The following NAV2 variants were observed in gnomAD, a reference collection of about 807,000 sequenced individuals.
NAV2 encodes the protein neuron navigator 2.
In NAV2, 54 loss-of-function variants were observed where a neutral mutation model predicts 223.2. The observed-to-expected ratio is 0.24, with a 90% CI of 0.19 to 0.30. NAV2 has a LOEUF of 0.30. Among genes scored for constraint, NAV2 ranks in the 10% least tolerant of loss-of-function variants. NAV2 has a pLI of 1.00. For missense variants in NAV2, 2,806 were observed against 3,147.5 expected (o/e 0.89, Z 2.60); for synonymous variants, 1,279 against 1,239.3 (o/e 1.03, Z -0.67).
intron 1 of NAV2, among the ~76,000 whole-genome samples, chr11:19,448,437 T>G (rs1851669174): frequency 6.6e-6 from 1 of 152,202 alleles, no homozygotes. Flanking sequence ...TTGCGTGGAT[T>G]GGAATATAAG....
At chr11:19,935,867 T>TTTTTTTTTTTTGTTG (rs1199186142) in intron 7 of NAV2, among the ~76,000 whole-genome samples, 1 of 123,414 alleles carries the variant, frequency 8.1e-6, no homozygotes, top group East Asian at 2.3e-4. Flanking sequence ...TTTTTTTTTT[T>TTTTTTTTTTTTGTTG]TTTTTTTTGA....
intron 13 of NAV2, 48 bp from the exon 14 acceptor site, chr11:20,044,920 T>G: frequency 8.0e-5 from 120 of 1,496,060 alleles, no homozygotes; most frequent in Non-Finnish European, 1.0e-4. Context: ...ACGAGATGGA[T>G]GAGCTGGCTC....
At chr11:19,350,085 CTGA>C (rs3077390), upstream of NAV2, among the ~76,000 whole-genome samples, 13 of 149,622 alleles carry the variant, frequency 8.7e-5, no homozygotes, top group African/African-American at 1.5e-4. Flanking sequence ...CCTTATTCCT[CTGA>C]TGATGATGAT....
chr11:19,741,904 C>G (rs917941259), intron 1 of NAV2, among the ~76,000 whole-genome samples: 1 of 151,968 alleles, frequency 6.6e-6, no homozygotes, highest in African/African-American at 2.4e-5. Flanking sequence ...GGCATTTCCA[C>G]TTTTAATTTC....
chr11:19,792,799 C>T (rs921908198), intron 1 of NAV2, among the ~76,000 whole-genome samples: 1 of 151,730 alleles, frequency 6.6e-6, no homozygotes, highest in Non-Finnish European at 1.5e-5. Flanking sequence ...ACAGTTTGTT[C>T]TGGGGGAGGT....
At chr11:20,037,042 G>C (rs537866308) in intron 12 of NAV2, among the ~76,000 whole-genome samples, 1 of 152,320 alleles carries the variant, frequency 6.6e-6, no homozygotes, top group East Asian at 1.9e-4. Flanking sequence ...TGTCCTCACA[G>C]CTTGTCCCCA....
At chr11:20,031,373 A>T (rs1026143850) in intron 11 of NAV2, among the ~76,000 whole-genome samples, 4 of 152,194 alleles carry the variant, frequency 2.6e-5, no homozygotes, top group Non-Finnish European at 4.4e-5. Context: ...ACTTGATTAG[A>T]TTCAACCAGT....
In NAV2 at chr11:19,587,547, G is replaced by C. The variant is rs564519197; in HGVS notation, c.75+236520G>C. Reference sequence around the variant, plus strand: ...GCTCCACATTTTTCTCTAAAAGATTGAGAGTTCATTTTATCAGGGCTTTTT... The same window carrying C: ...GCTCCACATTTTTCTCTAAAAGATTCAGAGTTCATTTTATCAGGGCTTTTT... On this transcript the variant is annotated intron_variant, in intron 1 of 37. Coordinates refer to the NAV2 transcript ENST00000360655. Among the ~76,000 whole-genome samples the C allele has an allele frequency of 2.3e-4, 35 of 152,316 alleles. No homozygotes were observed. In the South Asian group the frequency reaches 6.4e-3, roughly 28 times the overall value.
At chr11:19,944,063 T>A (rs1045620868) in intron 8 of NAV2, among the ~76,000 whole-genome samples, 3 of 151,972 alleles carry the variant, frequency 2.0e-5, no homozygotes. Context: ...TAGCCGGGTG[T>A]GGTGGCGGGC....
rs551687771 is a variant in NAV2, at chr11:19,932,938, G to A, written c.932-238G>A. On this transcript the variant is annotated intron_variant, in intron 6 of 37. Coordinates refer to ENST00000349880, the MANE Select transcript of NAV2 (RefSeq NM_145117.5). ...TTTGTTAAGACCTGCATGCTTTCACGTGGCACATGCCACCAAAATGTGATG... is the reference window on the plus strand; with the variant it reads ...TTTGTTAAGACCTGCATGCTTTCACATGGCACATGCCACCAAAATGTGATG... 6.8e-4 allele frequency among the ~76,000 whole-genome samples: 104 copies of A among 152,330 alleles called. 2 individuals carry two copies. The South Asian group carries it at 0.02, about 29-fold the overall frequency.
At chr11:19,542,237 A>G (rs1358154567) in intron 1 of NAV2, among the ~76,000 whole-genome samples, 2 of 152,208 alleles carry the variant, frequency 1.3e-5, no homozygotes, top group Non-Finnish European at 2.9e-5. Flanking sequence ...AATAATGGGT[A>G]CCCTTTAAGG....
intron 11 of NAV2, among the ~76,000 whole-genome samples, chr11:20,004,528 G>A (rs1392747688): frequency 6.6e-6 from 1 of 152,170 alleles, no homozygotes; most frequent in Non-Finnish European, 1.5e-5. Context: ...AGAAGTGACT[G>A]CAGTGGGCTC....
intron 11 of NAV2, among the ~76,000 whole-genome samples, chr11:20,031,529 G>A (rs2055737816): frequency 6.6e-6 from 1 of 152,156 alleles, no homozygotes; most frequent in African/African-American, 2.4e-5. Context: ...CAAAAGAAAG[G>A]AATTTACTAT....
intron 1 of NAV2, among the ~76,000 whole-genome samples, chr11:19,410,810 C>T (rs892900286): frequency 2.0e-4 from 30 of 152,256 alleles, no homozygotes; most frequent in African/African-American, 7.0e-4. Flanking sequence ...CAGTTTTGAG[C>T]CCCTATTCTC....
intron 10 of NAV2, among the ~76,000 whole-genome samples, chr11:19,964,223 GGT>G (rs2048566600): frequency 6.6e-6 from 1 of 152,168 alleles, no homozygotes; most frequent in South Asian, 2.1e-4. Flanking sequence ...TTTGCAAGCT[GGT>G]GTAGCTATTT....
chr11:19,704,242 G>A (rs375004026), intron 1 of NAV2, among the ~76,000 whole-genome samples: 5 of 152,136 alleles, frequency 3.3e-5, no homozygotes, highest in African/African-American at 1.2e-4. Context: ...CAAACTGGGT[G>A]ACTACCAAAC....
At chr11:20,057,184 A>G (rs924864999) in intron 19 of NAV2, among the ~76,000 whole-genome samples, 1 of 152,212 alleles carries the variant, frequency 6.6e-6, no homozygotes, top group Non-Finnish European at 1.5e-5. Context: ...CCCAGCATGA[A>G]AGAACAAACA....
chr11:19,858,152 G>A (rs2707108), intron 3 of NAV2, among the ~76,000 whole-genome samples: 63,979 of 152,126 alleles, frequency 0.42, 14,175 homozygotes, highest in African/African-American at 0.57. Context: ...CACCACGCCC[G>A]GCCAGAACTT....
intron 1 of NAV2, 90 bp downstream of exon 1, chr11:19,714,052 AAGGG>A: frequency 6.6e-7 from 1 of 1,510,778 alleles, no homozygotes; most frequent in Non-Finnish European, 9.0e-7. Context: ...TGGATGGGAG[AAGGG>A]TCTACCATGT....
Sources: allele counts gnomAD v4.1 joint callset (sites outside exome capture counted in the v4.1 genomes callset), GRCh38; gene constraint gnomAD v4.1.1; transcripts MANE v1.5; gene names NCBI Gene and HGNC (gene_info 2026-07-23, HGNC 2026-07-21).